DPYD: variants seen among roughly 807,000 people sequenced by gnomAD.
The protein encoded by DPYD is dihydropyrimidine dehydrogenase.
DPYD carries 109 observed loss-of-function variants against 116.2 expected under a neutral mutation model. That is an observed-to-expected ratio of 0.94 (90% CI 0.80 to 1.10). DPYD has a LOEUF of 1.10. Among genes scored for constraint, DPYD ranks in the 50% least tolerant of loss-of-function variants. The pLI, the probability that DPYD is intolerant of heterozygous loss-of-function variation, is 0.00. For synonymous variants in DPYD, 440 were observed against 432.0 expected, an observed-to-expected ratio of 1.02 and a Z score of -0.23; for missense variants, 1,302 against 1,254.5, an observed-to-expected ratio of 1.04 and a Z score of -0.57.
intron 19 of DPYD, among the ~76,000 whole-genome samples, chr1:97,216,068 T>C (rs1415747818): frequency 1.3e-5 from 2 of 152,240 alleles, no homozygotes; most frequent in East Asian, 1.9e-4. Flanking sequence ...TGTGCTTTTA[T>C]TGCTTTTTCC....
At chr1:97,874,129 G>T (rs1237451147) in intron 2 of DPYD, among the ~76,000 whole-genome samples, 1 of 151,688 alleles carries the variant, frequency 6.6e-6, no homozygotes, top group Non-Finnish European at 1.5e-5. Flanking sequence ...CATTATCACC[G>T]GTATTATTTG....
At chr1:97,210,939 C>T (rs1231842545) in intron 19 of DPYD, among the ~76,000 whole-genome samples, 1 of 152,172 alleles carries the variant, frequency 6.6e-6, no homozygotes. Context: ...ATAACCACAG[C>T]TTCTTGCAAC....
chr1:97,658,345 G>A (rs1037892332), intron 8 of DPYD, among the ~76,000 whole-genome samples: 1 of 152,040 alleles, frequency 6.6e-6, no homozygotes, highest in African/African-American at 2.4e-5. Context: ...TTTCTACAAT[G>A]TCAATACTGG....
intron 16 of DPYD, among the ~76,000 whole-genome samples, chr1:97,371,401 G>A (rs186117784): frequency 4.2e-3 from 642 of 152,282 alleles, no homozygotes; most frequent in Non-Finnish European, 6.8e-3. Context: ...ATGGGGAAGA[G>A]GGACTAGAAT....
intron 2 of DPYD, among the ~76,000 whole-genome samples, chr1:97,875,279 T>C (rs1262412986): frequency 1.3e-5 from 2 of 151,960 alleles, no homozygotes; most frequent in Non-Finnish European, 2.9e-5. Flanking sequence ...GACATAGTCA[T>C]AATCAGAAAC....
intron 21 of DPYD, among the ~76,000 whole-genome samples, chr1:97,090,306 G>A (rs1022503386): frequency 2.0e-5 from 3 of 152,058 alleles, no homozygotes; most frequent in Non-Finnish European, 2.9e-5. Flanking sequence ...AAGGGCCCAA[G>A]GTTTAGAGCT....
At chr1:97,728,634 AC>A (rs1465111919) in intron 4 of DPYD, among the ~76,000 whole-genome samples, 1 of 151,878 alleles carries the variant, frequency 6.6e-6, no homozygotes, top group Non-Finnish European at 1.5e-5. Flanking sequence ...TCCAAGATAA[AC>A]TCCAATCTGC....
chr1:97,223,504 CAA>C (rs1660912783), intron 19 of DPYD, among the ~76,000 whole-genome samples: 1 of 151,722 alleles, frequency 6.6e-6, no homozygotes, highest in Non-Finnish European at 1.5e-5. Flanking sequence ...CTTTCTGAAT[CAA>C]AGTCCTTAAG....
intron 12 of DPYD, chr1:97,546,159 G>T: frequency 1.4e-6 from 2 of 1,432,366 alleles, no homozygotes; most frequent in South Asian, 1.1e-5. Flanking sequence ...TGCTGCAGAG[G>T]AACAGCCAGC....
At chr1:97,907,334 C>G (rs554147911) in intron 1 of DPYD, among the ~76,000 whole-genome samples, 23 of 152,196 alleles carry the variant, frequency 1.5e-4, no homozygotes, top group Middle Eastern at 3.4e-3. Flanking sequence ...CTTTTCCCTT[C>G]ATATAAGGAC....
intron 8 of DPYD, among the ~76,000 whole-genome samples, chr1:97,600,701 G>T (rs551766852): frequency 6.6e-6 from 1 of 152,298 alleles, no homozygotes; most frequent in South Asian, 2.1e-4. Context: ...TCTTTGCACA[G>T]ATGTGAAATA....
chr1:97,200,644 T>C (rs1478055236), intron 19 of DPYD, among the ~76,000 whole-genome samples: 2 of 152,232 alleles, frequency 1.3e-5, no homozygotes, highest in East Asian at 1.9e-4. Context: ...TATAGCACTT[T>C]ATAGTTTTCA....
At chr1:97,420,463 C>G (rs1674521684) in intron 14 of DPYD, among the ~76,000 whole-genome samples, 1 of 152,012 alleles carries the variant, frequency 6.6e-6, no homozygotes, top group Admixed American at 6.6e-5. Context: ...TTGTCTCTAT[C>G]CTTGCTTTCC....
intron 19 of DPYD, among the ~76,000 whole-genome samples, chr1:97,219,210 C>T (rs946267963): frequency 6.6e-6 from 1 of 152,126 alleles, no homozygotes; most frequent in Non-Finnish European, 1.5e-5. Context: ...AACTGAATGT[C>T]ATGAATGGAA....
chr1:97,912,198 C>T (rs146194808), intron 1 of DPYD, among the ~76,000 whole-genome samples: 1 of 149,322 alleles, frequency 6.7e-6, no homozygotes, highest in Non-Finnish European at 1.5e-5. Flanking sequence ...AGCATGCAAA[C>T]GAGAACGGCA....
chr1:97,651,832 A>C (rs1658600664), intron 8 of DPYD, among the ~76,000 whole-genome samples: 1 of 152,174 alleles, frequency 6.6e-6, no homozygotes, highest in African/African-American at 2.4e-5. Context: ...CTCTTTTTCT[A>C]TGAATATATT....
Position 97,112,274 on chromosome 1 carries a change from G to A in DPYD, c.2623-13642C>T, listed in dbSNP as rs55737241. Among the ~76,000 whole-genome samples, 614 of 152,184 alleles carry A rather than the reference G, an allele frequency of 4.0e-3. 5 individuals are homozygous for A. The highest frequency in any genetic ancestry group is 0.014 in the African/African-American group (581 of 41,540). ...CCAGCATTTATAAGGGAAGTCAATG[G>A]ATTAAGCATGTTGTACGTGATGGAG... On this transcript the variant is annotated intron_variant, in intron 20 of 22. Coordinates refer to ENST00000370192, the MANE Select transcript of DPYD (RefSeq NM_000110.4).
intron 3 of DPYD, among the ~76,000 whole-genome samples, chr1:97,794,920 G>T (rs1438548435): frequency 1.3e-5 from 2 of 151,986 alleles, no homozygotes; most frequent in Non-Finnish European, 2.9e-5. Flanking sequence ...ATTGTTTGTT[G>T]TTAGTGATTA....
At chr1:97,218,599 T>C (rs1316319063) in intron 19 of DPYD, among the ~76,000 whole-genome samples, 5 of 150,604 alleles carry the variant, frequency 3.3e-5, no homozygotes, top group South Asian at 2.1e-4. Context: ...AAAAAGTCAA[T>C]AAATAAATCC....
Sources: gnomAD v4.1 joint callset for allele counts (sites outside exome capture counted in the v4.1 genomes callset) on GRCh38, gnomAD v4.1.1 for gene constraint, MANE v1.5 for transcripts, NCBI Gene and HGNC (gene_info 2026-07-23, HGNC 2026-07-21) for gene names.